The following TMEM204 variants were observed in gnomAD, a reference collection of about 807,000 sequenced individuals.
TMEM204 encodes the protein claudin-like protein 24.
A neutral mutation model predicts 19.4 loss-of-function variants in TMEM204; 15 were observed. That is an observed-to-expected ratio of 0.77 (90% CI 0.52 to 1.19). The LOEUF (loss-of-function observed/expected upper bound fraction) is 1.19, where lower values mean the gene tolerates loss of function less well. Ranked by LOEUF, TMEM204 falls within the 50% of genes most tolerant of loss-of-function variation. The pLI, the probability that TMEM204 is intolerant of heterozygous loss-of-function variation, is 0.00. For missense variants in TMEM204, 287 were observed against 321.2 expected (o/e 0.89, Z 0.81); for synonymous variants, 161 against 146.0 (o/e 1.10, Z -0.74).
rs563592297 is a variant in TMEM204 at position 1,551,075 on chromosome 16, C to T, written c.437-3707C>T. Among the ~76,000 whole-genome samples, 1 of 152,350 alleles carries T rather than the reference C, an allele frequency of 6.6e-6. No homozygotes were observed. The highest frequency in any genetic ancestry group is 2.4e-5 in the African/African-American group (1 of 41,584). On this transcript the variant is annotated intron_variant, in intron 2 of 2. Transcript: ENST00000566264. This position sits in a 1 kb window ranked among gnomAD's most constrained non-coding sequence, Gnocchi z 4.0. ...TCAACTGCCAAGGCTGCTGTTCCTCCTCGCCTTTCCCGCAGCTCCACACTG... is the reference window on the plus strand; with the variant it reads ...TCAACTGCCAAGGCTGCTGTTCCTCTTCGCCTTTCCCGCAGCTCCACACTG...
rs1445131538 is a variant in TMEM204 at position 1,536,097 on chromosome 16, G to A, written c.280+1542G>A. Among the ~76,000 whole-genome samples, 3 of 152,320 alleles carry A rather than the reference G, an allele frequency of 2.0e-5. No homozygotes were observed. The South Asian group carries it at 6.2e-4, about 32-fold the overall frequency. On this transcript the variant is annotated intron_variant, in intron 1 of 2. Transcript: ENST00000566264. ...GGCGTCCAGCCCACAGAGCACCCCC[G>A]GGGGAGGGAGTTCCCAGCCGGCCCT...
At position 1,554,679 on chromosome 16, in the gene TMEM204, A is replaced by G. The variant is rs536091990; in HGVS notation, c.437-103A>G. On this transcript the variant is annotated intron_variant, in intron 2 of 2. Transcript: ENST00000566264. ...CCGCTCTAGGACAGAGGGCTGGGGA[A>G]GGATAAAGCAGGCTGGAACCTGCTC... 3.4e-6 allele frequency: 5 copies of G among 1,477,318 alleles called. No individual in the cohort carries two copies. The Admixed American group carries it at 1.0e-4, about 30-fold the overall frequency. The allele number at this position is 1,477,318 out of a possible 1,614,324, so 91.5% of individuals were successfully genotyped here. A position where few individuals can be genotyped will look rare whatever the true frequency, so the allele number is the denominator to read the frequency against.
In TMEM204 at chr16:1,542,041, G is replaced by A; in HGVS notation, c.401G>A (p.Trp134Ter). The change falls in exon 2 of 3, where the codon TGG (tryptophan) becomes TAG (stop). Residue 134 changes from tryptophan to a stop codon, truncating the protein, a stop_gained. Transcript: ENST00000566264. LOFTEE classifies it high-confidence loss of function. ...LPLLSPDAPC[W>*]EEAMAAAFQL... ...CTGCTGTCACCCGACGCCCCGTGCT[G>A]GGAGGAGGCCATGGCCGCTGCATTC... The A allele has an allele frequency of 6.2e-7, 1 of 1,610,834 alleles. No individual in the cohort carries two copies. Among genetic ancestry groups the A allele is most frequent in the Non-Finnish European group, 8.5e-7 (1 of 1,179,338 alleles).
At chr16:1,534,589 TGGCCGA>T in intron 1 of TMEM204, 34 bp downstream of exon 1, 1 of 1,596,492 alleles carries the variant, frequency 6.3e-7, no homozygotes, top group South Asian at 1.1e-5. Flanking sequence ...GCCTTCAGCG[TGGCCGA>T]GGCTCGAGGG....
chr16:1,539,244 C>T (rs1046578795), intron 1 of TMEM204, among the ~76,000 whole-genome samples: 1 of 151,848 alleles, frequency 6.6e-6, no homozygotes, highest in Non-Finnish European at 1.5e-5. Context: ...ACTCACCAAG[C>T]CACACGGTGC....
chr16:1,536,522 T>C (rs994388533), intron 1 of TMEM204, among the ~76,000 whole-genome samples: 2 of 152,204 alleles, frequency 1.3e-5, no homozygotes, highest in African/African-American at 4.8e-5. Context: ...CAGCGAAGGT[T>C]TGTCCACACA....
chr16:1,538,849 G>C (rs895322074), intron 1 of TMEM204, among the ~76,000 whole-genome samples: 1 of 152,210 alleles, frequency 6.6e-6, no homozygotes, highest in South Asian at 2.1e-4. Context: ...TGTGGAGTCC[G>C]TTGGAGCAGT....
At chr16:1,535,588 C>T (rs989330293) in intron 1 of TMEM204, among the ~76,000 whole-genome samples, 12 of 152,334 alleles carry the variant, frequency 7.9e-5, no homozygotes, top group African/African-American at 2.9e-4. Context: ...ACACACATCA[C>T]GTGTGCCTCA....
chr16:1,544,007 A>G (rs2031906501), intron 2 of TMEM204, among the ~76,000 whole-genome samples: 1 of 151,838 alleles, frequency 6.6e-6, no homozygotes, highest in Non-Finnish European at 1.5e-5. Flanking sequence ...AACCCAATGG[A>G]TCACTACATT....
chr16:1,547,938 AAGTGCTAGG>A (rs1171059483), intron 2 of TMEM204, among the ~76,000 whole-genome samples: 2 of 152,164 alleles, frequency 1.3e-5, no homozygotes, highest in Non-Finnish European at 2.9e-5. Flanking sequence ...CAGCCTCTCA[AAGTGCTAGG>A]ATGAAGGTGT....
intron 2 of TMEM204, among the ~76,000 whole-genome samples, chr16:1,552,648 CTT>C (rs11409894): frequency 1.8e-4 from 23 of 127,516 alleles, no homozygotes; most frequent in Admixed American, 2.5e-4. Context: ...AAAGAGAATG[CTT>C]TTTTTTTTTT....
At chr16:1,537,619 G>A (rs2031203506) in intron 1 of TMEM204, among the ~76,000 whole-genome samples, 1 of 152,140 alleles carries the variant, frequency 6.6e-6, no homozygotes, top group East Asian at 1.9e-4. Flanking sequence ...CGGGGGACCA[G>A]GGAGGCCTGA....
chr16:1,533,551 C>G (rs932079491), upstream of TMEM204: 2 of 152,358 alleles, frequency 1.3e-5, no homozygotes, highest in Non-Finnish European at 2.9e-5. This position sits in a 1 kb window ranked among gnomAD's most constrained non-coding sequence, Gnocchi z 4.7. Flanking sequence ...CAGAAGTCTC[C>G]TGGCCTTTCC....
At chr16:1,532,104 C>T (rs554186279), upstream of TMEM204, 9 of 152,500 alleles carry the variant, frequency 5.9e-5, no homozygotes, top group South Asian at 2.1e-4. Context: ...CGTCCACCTC[C>T]GAGGAGCAGG....
chr16:1,539,163 A>C (rs2031379427), intron 1 of TMEM204, among the ~76,000 whole-genome samples: 1 of 150,608 alleles, frequency 6.6e-6, no homozygotes, highest in South Asian at 2.1e-4. Context: ...ACCAAGCTGC[A>C]CAGTGCCACG....
At chr16:1,540,993 CTG>C in intron 1 of TMEM204, 1 of 985,234 alleles carries the variant, frequency 1.0e-6, no homozygotes, top group Non-Finnish European at 1.2e-6. Flanking sequence ...ATTTGGGCCC[CTG>C]TGTAAGGTTT....
intron 2 of TMEM204, among the ~76,000 whole-genome samples, chr16:1,544,565 G>C (rs2031980578): frequency 6.6e-6 from 1 of 151,552 alleles, no homozygotes; most frequent in Non-Finnish European, 1.5e-5. Context: ...CCTGATCTCA[G>C]GTGATCCACC....
At chr16:1,548,847 G>A (rs184659466) in intron 2 of TMEM204, among the ~76,000 whole-genome samples, 220 of 152,352 alleles carry the variant, frequency 1.4e-3, no homozygotes, top group African/African-American at 5.0e-3. Context: ...GCAGCACAGC[G>A]AGGCATGTAG....
chr16:1,547,496 A>G (rs1436207018), intron 2 of TMEM204, among the ~76,000 whole-genome samples: 2 of 152,094 alleles, frequency 1.3e-5, no homozygotes, highest in African/African-American at 4.8e-5. Flanking sequence ...GGAAATATAC[A>G]CTTTTTTGTT....
Sources: gnomAD v4.1 joint callset for allele counts (sites outside exome capture counted in the v4.1 genomes callset) on GRCh38, gnomAD v4.1.1 for gene constraint, Gnocchi (gnomAD v3.1) non-coding constraint, MANE v1.5 for transcripts, NCBI Gene and HGNC (gene_info 2026-07-23, HGNC 2026-07-21) for gene names.